The following C5orf34 variants were observed in gnomAD, a reference collection of about 807,000 sequenced individuals.
C5orf34 encodes the protein chromosome 5 open reading frame 34.
In C5orf34, 73 loss-of-function variants were observed where a neutral mutation model predicts 78.4. The observed-to-expected ratio is 0.93, with a 90% CI of 0.77 to 1.13. C5orf34 has a LOEUF of 1.13. C5orf34 is among the 50% of genes most tolerant of loss of function. C5orf34 has a pLI of 0.00. For synonymous variants in C5orf34, 251 were observed against 246.6 expected (o/e 1.02, Z -0.17); for missense variants, 730 against 732.7 (o/e 1.00, Z 0.04).
rs1413290618 is a variant in C5orf34, at chr5:43,492,861, C to T, written c.1344G>A (p.Leu448=). 6 of 1,606,858 alleles carry T rather than the reference C, an allele frequency of 3.7e-6. No individual in the cohort carries two copies. The highest frequency in any genetic ancestry group is 1.7e-5 in the Admixed American group (1 of 58,778). ...MVPGINDSNI[L]PLVLKESLIP... The stretch of plus-strand genomic sequence containing the variant: ...TGAGTGACTCTTTCAAAACCAAAGG[C>T]AGTATATTGCTATCATTTATCCCAG... Residue 448 remains leucine (L), a synonymous_variant, in exon 9 of 13, where the codon CTG becomes CTA. Transcript: ENST00000306862.
At chr5:43,503,948 T>A (rs1037064626) in intron 4 of C5orf34, among the ~76,000 whole-genome samples, 188 bp from the exon 5 acceptor site, 7 of 152,246 alleles carry the variant, frequency 4.6e-5, no homozygotes, top group African/African-American at 9.6e-5. Flanking sequence ...TTTTTTTCAC[T>A]ATTTTCAATA....
intron 1 of C5orf34, chr5:43,511,329 C>T (rs1357953870): frequency 7.2e-5 from 11 of 153,226 alleles, no homozygotes; most frequent in South Asian, 5.9e-4. Context: ...GCCCGGCAGC[C>T]GCCCCGTCCG....
intron 7 of C5orf34, among the ~76,000 whole-genome samples, chr5:43,494,034 AAC>A (rs1032646138): frequency 1.3e-5 from 2 of 152,314 alleles, no homozygotes; most frequent in Admixed American, 6.5e-5. Context: ...TATAAAAAGA[AAC>A]AACAGTCCAC....
At chr5:43,510,832 G>T (rs1453719572) in intron 1 of C5orf34, among the ~76,000 whole-genome samples, 1 of 152,248 alleles carries the variant, frequency 6.6e-6, no homozygotes, top group African/African-American at 2.4e-5. Flanking sequence ...CTCCCAAAGT[G>T]CCAAGATTGC....
At chr5:43,501,089 C>T (rs1473333364) in intron 6 of C5orf34, among the ~76,000 whole-genome samples, 2 of 152,186 alleles carry the variant, frequency 1.3e-5, no homozygotes, top group Non-Finnish European at 2.9e-5. Context: ...GATATATTTG[C>T]TTTAGTATAA....
chr5:43,496,425 A>G, intron 6 of C5orf34: 1 of 1,593,568 alleles, frequency 6.3e-7, no homozygotes, highest in Non-Finnish European at 8.5e-7. Context: ...CAATGACGAC[A>G]ATGTTGATAT....
intron 11 of C5orf34, among the ~76,000 whole-genome samples, chr5:43,488,979 T>C (rs1200365937): frequency 6.6e-6 from 1 of 152,120 alleles, no homozygotes; most frequent in Non-Finnish European, 1.5e-5. Flanking sequence ...CTCTTTCCCT[T>C]GTACTCCAGC....
At chr5:43,507,183 ACT>A (rs1746017968) in intron 3 of C5orf34, among the ~76,000 whole-genome samples, 1 of 152,212 alleles carries the variant, frequency 6.6e-6, no homozygotes, top group African/African-American at 2.4e-5. Context: ...CTAATAAAAG[ACT>A]CATAACAAGT....
At chr5:43,494,127 T>A (rs1411508249) in intron 7 of C5orf34, among the ~76,000 whole-genome samples, 1 of 152,204 alleles carries the variant, frequency 6.6e-6, no homozygotes, top group African/African-American at 2.4e-5. Flanking sequence ...TTATCATTAG[T>A]ATATTTTCAG....
intron 2 of C5orf34, 42 bp downstream of exon 2, chr5:43,509,103 T>C (rs749525660): frequency 6.5e-7 from 1 of 1,532,546 alleles, no homozygotes. Flanking sequence ...AGAACCTGTC[T>C]CTAAAAAACA....
chr5:43,487,859 G>C (rs1745126445), intron 12 of C5orf34, 50 bp downstream of exon 12: 1 of 1,371,144 alleles, frequency 7.3e-7, no homozygotes, highest in Admixed American at 1.8e-5. Context: ...ATTAAGCCTA[G>C]AATGAAAGAG....
chr5:43,500,771 G>A (rs935795349), intron 6 of C5orf34, among the ~76,000 whole-genome samples: 2 of 152,122 alleles, frequency 1.3e-5, no homozygotes, highest in Admixed American at 6.5e-5. Context: ...CTGGTTTTCT[G>A]TATTCTACTT....
chr5:43,514,238 CTCCAA>C (rs1340957085), intron 1 of C5orf34: 1 of 152,256 alleles, frequency 6.6e-6, no homozygotes, highest in African/African-American at 2.4e-5. Context: ...TTTCTTCTCT[CTCCAA>C]TCCATCTCTA....
At chr5:43,513,611 C>T (rs1746364949) in intron 1 of C5orf34, among the ~76,000 whole-genome samples, 1 of 152,234 alleles carries the variant, frequency 6.6e-6, no homozygotes, top group South Asian at 2.1e-4. Context: ...TCTCAACTCT[C>T]TCCTACTTCT....
intron 1 of C5orf34, among the ~76,000 whole-genome samples, chr5:43,511,487 G>A (rs1746257032): frequency 1.3e-5 from 2 of 152,064 alleles, no homozygotes; most frequent in South Asian, 4.1e-4. Context: ...CTTCTGGGAA[G>A]TGAGGAGCCC....
At position 43,487,112 on chromosome 5, in the gene C5orf34, C is replaced by A; in HGVS notation, c.1721-1G>T. 2.0e-6 allele frequency: 3 copies of A among 1,497,220 alleles called. No individual in the cohort carries two copies. The highest frequency in any genetic ancestry group is 1.8e-6 in the Non-Finnish European group (2 of 1,119,152). 92.7% of individuals were successfully genotyped at this position (1,497,220 alleles called of 1,614,324 possible). On this transcript the variant is annotated splice_acceptor_variant, in intron 12 of 12. Transcript: ENST00000306862. LOFTEE classifies it high-confidence loss of function. ...AGGATACCACTATTTTCTAGTAGCA[C>A]TAAGTTGCTTAGTTAAGGAGGTTTT...
intron 4 of C5orf34, among the ~76,000 whole-genome samples, chr5:43,504,214 G>T (rs1008552175): frequency 2.0e-5 from 3 of 151,458 alleles, no homozygotes; most frequent in Non-Finnish European, 4.4e-5. Context: ...GGCTGAGGCA[G>T]AAGAATCGCT....
At chr5:43,511,064 G>T (rs1486362809) in intron 1 of C5orf34, 2 of 181,494 alleles carry the variant, frequency 1.1e-5, no homozygotes, top group Non-Finnish European at 1.2e-5. Flanking sequence ...CCCCGTCTGG[G>T]ATGTGAGGAG....
Position 43,510,589 on chromosome 5 carries a change from C to T in C5orf34, c.-36-1214G>A, listed in dbSNP as rs868321870. ...CCCAGTGCCTGTGATTGCAGGCGCG[C>T]GCTGCCACGCCTGACTGGTTTTCAT... is the stretch of plus-strand genomic sequence containing the variant. On this transcript the variant is annotated intron_variant, in intron 1 of 12. Coordinates refer to ENST00000306862, the MANE Select transcript of C5orf34 (RefSeq NM_198566.4). Among the ~76,000 whole-genome samples, 6 of 152,164 alleles carry T rather than the reference C, an allele frequency of 3.9e-5. No homozygotes were observed. In the South Asian group the frequency reaches 6.2e-4, roughly 16 times the overall value.
Sources: gnomAD v4.1 joint callset for allele counts (sites outside exome capture counted in the v4.1 genomes callset) on GRCh38, gnomAD v4.1.1 for gene constraint, MANE v1.5 for transcripts, NCBI Gene and HGNC (gene_info 2026-07-23, HGNC 2026-07-21) for gene names.